Variants in LZTS1 observed in about 807,000 individuals in gnomAD.
LZTS1 encodes the protein leucine zipper putative tumor suppressor 1.
In LZTS1, 31 loss-of-function variants were observed where a neutral mutation model predicts 45.8. That is an observed-to-expected ratio of 0.68 (90% CI 0.51 to 0.91). The LOEUF (loss-of-function observed/expected upper bound fraction) is 0.91. Ranked by LOEUF, LZTS1 falls within the 40% of genes least tolerant of loss-of-function variation. The probability of loss-of-function intolerance (pLI) is 0.00; values close to 1 mark genes in which losing one functional copy is unlikely to be tolerated. For synonymous variants in LZTS1, 359 were observed against 357.3 expected, an observed-to-expected ratio of 1.00 and a Z score of -0.05; for missense variants, 821 against 788.9, an observed-to-expected ratio of 1.04 and a Z score of -0.49.
chr8:20,303,954 C>T lies in LZTS1; in HGVS notation c.-349G>A. The T allele has an allele frequency of 1.0e-6, 1 of 964,684 alleles. No individual in the cohort carries two copies. The highest frequency in any genetic ancestry group is 1.2e-6 in the Non-Finnish European group (1 of 812,524). The allele number at this position is 964,684 out of a possible 1,614,324, so 59.8% of individuals were successfully genotyped here. ...GCCAACCCGCCAGCTCCAGGCGCGC[C>T]GGCCTCTGCGCGGGTCCCGGAGCCG... On this transcript the variant is annotated 5_prime_UTR_variant, in exon 1 of 4. Coordinates refer to ENST00000381569, the MANE Select transcript of LZTS1 (RefSeq NM_021020.5).
At chr8:20,295,270 A>C (rs1401109423) in intron 1 of LZTS1, among the ~76,000 whole-genome samples, 1 of 152,176 alleles carries the variant, frequency 6.6e-6, no homozygotes, top group African/African-American at 2.4e-5. Flanking sequence ...GATCACCCCC[A>C]GCCTTCTGCA....
intron 1 of LZTS1, among the ~76,000 whole-genome samples, chr8:20,286,340 CTAGGACATGCTAATGGACAAAAA>C (rs1423445946): frequency 1.1e-4 from 16 of 152,196 alleles, no homozygotes; most frequent in South Asian, 2.1e-4. Flanking sequence ...TTTGAACAGG[CTAGGACATGCTAATGGACAAAAA>C]TAGGACATGC....
At position 20,250,582 on chromosome 8, in the gene LZTS1, A is replaced by C. The variant is rs2645391; in HGVS notation, c.1150-219T>G. ...TATAGTAAAATGATAAAATAATAAT[A>C]ATCATGTATAATGACACATAGTATA... On this transcript the variant is annotated intron_variant, in intron 3 of 3. Coordinates refer to ENST00000381569, the MANE Select transcript of LZTS1 (RefSeq NM_021020.5). Among the ~76,000 whole-genome samples, 149,522 of 152,166 alleles carry C rather than the reference A, an allele frequency of 0.98. 73,482 individuals are homozygous for C. The highest frequency in any genetic ancestry group is 1 in the Middle Eastern group (294 of 294).
At chr8:20,279,681 C>CAA (rs34501896) in intron 1 of LZTS1, among the ~76,000 whole-genome samples, 867 of 70,898 alleles carry the variant, frequency 0.012, 37 homozygotes, top group African/African-American at 0.031. Context: ...GACCCTGTCT[C>CAA]AAAAAAAAAA....
At chr8:20,256,080 AAAAAGAAG>A (rs1800093206) in intron 1 of LZTS1, among the ~76,000 whole-genome samples, 2 of 150,076 alleles carry the variant, frequency 1.3e-5, no homozygotes, top group African/African-American at 5.0e-5. Flanking sequence ...AAAAAAAAAA[AAAAAGAAG>A]AAGAAGAAAA....
chr8:20,249,715 C>T lies in LZTS1; in HGVS notation c.*7G>A. On this transcript the variant is annotated 3_prime_UTR_variant, in exon 4 of 4. Transcript: ENST00000381569. ...AGGTCCCCAGACTCGCCTTCCCAGG[C>T]AGCCCCTCAGATCTCAGTGGCTATG... is the stretch of plus-strand genomic sequence containing the variant. 6.3e-7 allele frequency: 1 copy of T among 1,590,696 alleles called. No individual in the cohort carries two copies. The highest frequency in any genetic ancestry group is 8.5e-7 in the Non-Finnish European group (1 of 1,169,846).
chr8:20,261,394 C>T (rs1002280825), intron 1 of LZTS1, among the ~76,000 whole-genome samples: 7 of 152,188 alleles, frequency 4.6e-5, no homozygotes, highest in African/African-American at 7.2e-5. Context: ...GCCCTCACAC[C>T]CCTCCCTGAC....
chr8:20,288,757 C>T (rs574984650), intron 1 of LZTS1, among the ~76,000 whole-genome samples: 8 of 152,192 alleles, frequency 5.3e-5, no homozygotes, highest in East Asian at 3.9e-4. Flanking sequence ...CCCAACTCTG[C>T]GCCCAACCTG....
chr8:20,295,254 G>A (rs1433613792), intron 1 of LZTS1, among the ~76,000 whole-genome samples: 1 of 152,226 alleles, frequency 6.6e-6, no homozygotes, highest in Non-Finnish European at 1.5e-5. Context: ...CCATGTGCCA[G>A]GTGGAGATCA....
At chr8:20,260,508 A>G (rs1392599179) in intron 1 of LZTS1, among the ~76,000 whole-genome samples, 1 of 152,150 alleles carries the variant, frequency 6.6e-6, no homozygotes, top group Admixed American at 6.5e-5. Flanking sequence ...CTAAAATCGC[A>G]CGCTGCAATT....
At position 20,279,648 on chromosome 8, in the gene LZTS1, C is replaced by T. The variant is rs1387097194; in HGVS notation, c.-135+24092G>A. Reference sequence around the variant, plus strand: ...TCCAGGAGTTCCAGGCTGCAGTGAGCTCCAGCCTGGGTGATGGAGCAAGAC... The same window carrying T: ...TCCAGGAGTTCCAGGCTGCAGTGAGTTCCAGCCTGGGTGATGGAGCAAGAC... On this transcript the variant is annotated intron_variant, in intron 1 of 3. Transcript: ENST00000381569. Among the ~76,000 whole-genome samples the T allele has an allele frequency of 2.1e-5, 3 of 142,654 alleles. No individual in the cohort carries two copies. In the East Asian group the frequency reaches 6.2e-4, roughly 29 times the overall value. The allele number at this position is 142,654 out of a possible 152,430, so 93.6% of individuals were successfully genotyped here.
chr8:20,250,146 C>A lies in LZTS1; in HGVS notation c.1367G>T (p.Arg456Leu), dbSNP rs547948010. ...ELEVCENELQ[R>L]KKNEAELLRE... is the part of the protein sequence containing the mutation. ...CAGCAGCTCCGCCTCGTTCTTCTTG[C>A]GCTGCAGCTCATTCTCACAGACCTC... is the stretch of plus-strand genomic sequence containing the variant. The change falls in exon 4 of 4, where the codon CGC becomes CTC. Residue 456 changes from arginine to leucine, a missense_variant. By Grantham distance (102) the Arg-to-Leu change is moderately radical. Coordinates refer to ENST00000381569, the MANE Select transcript of LZTS1 (RefSeq NM_021020.5). 3.7e-6 allele frequency: 6 copies of A among 1,608,370 alleles called. No individual in the cohort carries two copies. Among genetic ancestry groups the A allele is most frequent in the African/African-American group, 1.3e-5 (1 of 74,882 alleles).
chr8:20,287,586 C>T (rs1259161229), intron 1 of LZTS1, among the ~76,000 whole-genome samples: 1 of 152,074 alleles, frequency 6.6e-6, no homozygotes, highest in Admixed American at 6.5e-5. Context: ...GCAATGCTCC[C>T]AGAACTCAGT....
chr8:20,292,051 C>G lies in LZTS1; in HGVS notation c.-135+11689G>C, dbSNP rs76724961. On this transcript the variant is annotated intron_variant, in intron 1 of 3. Transcript: ENST00000381569. The stretch of plus-strand genomic sequence containing the variant: ...AAGGCCCTGCCCCCAGGGGTCCCCT[C>G]TCTGGAAACCTCATGGGACACTGCT... Among the ~76,000 whole-genome samples the G allele has an allele frequency of 9.9e-3, 1,508 of 152,338 alleles. 27 individuals carry two copies. Among genetic ancestry groups the G allele is most frequent in the African/African-American group, 0.035 (1,442 of 41,590 alleles).
chr8:20,280,343 C>A (rs564060043), intron 1 of LZTS1, among the ~76,000 whole-genome samples: 1 of 152,178 alleles, frequency 6.6e-6, no homozygotes. Flanking sequence ...CTCTCTCATT[C>A]TCTGGATGTG....
At chr8:20,266,023 A>G (rs1585287360) in intron 1 of LZTS1, among the ~76,000 whole-genome samples, 1 of 151,286 alleles carries the variant, frequency 6.6e-6, no homozygotes, top group African/African-American at 2.4e-5. Context: ...GATGCTCAAC[A>G]ATTTTTTTTT....
At chr8:20,291,281 A>C (rs141563531) in intron 1 of LZTS1, among the ~76,000 whole-genome samples, 1 of 152,156 alleles carries the variant, frequency 6.6e-6, no homozygotes, top group Non-Finnish European at 1.5e-5. Flanking sequence ...GTAGCTCCGC[A>C]GGCAGCACAA....
rs2128892363 is a variant in LZTS1 at position 20,253,562 on chromosome 8, C to T, written c.369G>A (p.Arg123=). ...GCAGCACAGGCTTGAAGGCTGTGGGCCTCACTGCACCCTTCTCGGAGCCCT... is the reference window on the plus strand; with the variant it reads ...GCAGCACAGGCTTGAAGGCTGTGGGTCTCACTGCACCCTTCTCGGAGCCCT... ...LEMGSEKGAV[R]PTAFKPVLPR... Residue 123 remains arginine (R), a synonymous_variant, in exon 3 of 4, where the codon AGG becomes AGA. Coordinates refer to ENST00000381569, the MANE Select transcript of LZTS1 (RefSeq NM_021020.5). 1 of 1,470,252 alleles carries T rather than the reference C, an allele frequency of 6.8e-7. No homozygotes were observed. Among genetic ancestry groups the T allele is most frequent in the Non-Finnish European group, 9.0e-7 (1 of 1,112,816 alleles). The allele number at this position is 1,470,252 out of a possible 1,614,324, so 91.1% of individuals were successfully genotyped here.
chr8:20,301,184 C>T (rs1585307729), intron 1 of LZTS1, among the ~76,000 whole-genome samples: 1 of 149,880 alleles, frequency 6.7e-6, no homozygotes, highest in Admixed American at 6.6e-5. Flanking sequence ...AGAGACCAGG[C>T]AGGAATATTC....
Sources: allele counts gnomAD v4.1 joint callset (sites outside exome capture counted in the v4.1 genomes callset), GRCh38; gene constraint gnomAD v4.1.1; transcripts MANE v1.5; gene names NCBI Gene and HGNC (gene_info 2026-07-23, HGNC 2026-07-21).